Variants in WDR48 observed in about 807,000 individuals in gnomAD.
The protein encoded by WDR48 is WD repeat-containing protein 48.
WDR48 carries 22 observed loss-of-function variants against 94.0 expected under a neutral mutation model. That is an observed-to-expected ratio of 0.23 (90% confidence interval 0.17 to 0.33). The LOEUF (loss-of-function observed/expected upper bound fraction) is 0.33, where lower values mean the gene tolerates loss of function less well. Among genes scored for constraint, WDR48 ranks in the 10% least tolerant of loss-of-function variants. The pLI is 1.00. For synonymous variants in WDR48, 278 were observed against 280.5 expected (o/e 0.99, Z 0.09); for missense variants, 541 against 813.8 (o/e 0.66, Z 4.08).
intron 1 of WDR48, among the ~76,000 whole-genome samples, chr3:39,055,329 A>G (rs1337324338): frequency 6.6e-6 from 1 of 152,216 alleles, no homozygotes; most frequent in Non-Finnish European, 1.5e-5. Context: ...TCTACTAAAA[A>G]TATAAAAATT....
chr3:39,078,492 C>T (rs1575420364), intron 10 of WDR48, among the ~76,000 whole-genome samples: 2 of 151,862 alleles, frequency 1.3e-5, no homozygotes, highest in East Asian at 1.9e-4. Context: ...GATCTTGGCT[C>T]ACTGCAACCC....
At chr3:39,077,314 G>A in intron 9 of WDR48, 101 bp downstream of exon 9, 1 of 1,322,098 alleles carries the variant, frequency 7.6e-7, no homozygotes, top group East Asian at 2.4e-5. Flanking sequence ...CCTAACTCTA[G>A]CATGCTTTTG....
intron 8 of WDR48, 71 bp downstream of exon 8, chr3:39,075,021 C>G: frequency 6.8e-7 from 1 of 1,469,114 alleles, no homozygotes; most frequent in Non-Finnish European, 9.3e-7. Flanking sequence ...AGAGCAAAAG[C>G]TATATTAAAA....
chr3:39,094,399 A>G (rs2035235865), intron 18 of WDR48: 1 of 1,494,770 alleles, frequency 6.7e-7, no homozygotes, highest in East Asian at 2.5e-5. Flanking sequence ...ATCAAGATGC[A>G]CTCAAAACGT....
At position 39,074,903 on chromosome 3, in the gene WDR48, C is replaced by T; in HGVS notation, c.850C>T (p.Pro284Ser). Reference protein sequence around the residue: ...RKIYCTDLRNPDIRVLICEEK... With the variant: ...RKIYCTDLRNSDIRVLICEEK... ...GATTTATTGTACAGACCTAAGAAAC[C>T]CTGACATTCGGGTGCTAATTTGTGA... The change falls in exon 8 of 19, where the codon CCT becomes TCT. Residue 284 changes from proline to serine, a missense_variant. Transcript: ENST00000302313. The T allele has an allele frequency of 6.2e-7, 1 of 1,614,192 alleles. No individual in the cohort carries two copies. Among genetic ancestry groups the T allele is most frequent in the Non-Finnish European group, 8.5e-7 (1 of 1,180,044 alleles).
chr3:39,059,030 G>A (rs1293627626), intron 1 of WDR48, among the ~76,000 whole-genome samples: 1 of 139,578 alleles, frequency 7.2e-6, no homozygotes. Context: ...AGCCAAGATC[G>A]CACCACTGCA....
In WDR48 at chr3:39,084,258, CAG is replaced by C. The variant is rs764646025; in HGVS notation, c.1278_1279del (p.Gly427AspfsTer8). ...AATTGGTTCTCAGTAGACTTAAAAA[CAG>C]GGGTAAGTTAGCAATTGATACTTGT... is the stretch of plus-strand genomic sequence containing the variant. On this transcript the variant is annotated frameshift_variant and splice_region_variant, in exon 12 of 19. Transcript: ENST00000302313. LOFTEE classifies it high-confidence loss of function. 31 of 1,600,800 alleles carry C rather than the reference CAG, an allele frequency of 1.9e-5. No homozygotes were observed. Among genetic ancestry groups the C allele is most frequent in the Admixed American group, 6.7e-5 (4 of 59,682 alleles).
At chr3:39,072,990 C>G (rs2034021138) in intron 7 of WDR48, among the ~76,000 whole-genome samples, 1 of 152,146 alleles carries the variant, frequency 6.6e-6, no homozygotes, top group South Asian at 2.1e-4. Flanking sequence ...ACTGTGCACC[C>G]TTAGTTTGGG....
chr3:39,062,621 C>T (rs1009284964), intron 1 of WDR48, among the ~76,000 whole-genome samples: 3 of 152,132 alleles, frequency 2.0e-5, no homozygotes, highest in African/African-American at 7.2e-5. Flanking sequence ...GCACAATGCA[C>T]CAGAACCTGG....
chr3:39,078,995 AC>A (rs1441653251), intron 10 of WDR48, among the ~76,000 whole-genome samples: 1 of 147,880 alleles, frequency 6.8e-6, no homozygotes, highest in East Asian at 2.0e-4. Flanking sequence ...CCGCCACTGC[AC>A]TCCAGCCTGG....
rs1329460329 is a variant in WDR48, at chr3:39,069,639, A to C, written c.571-4A>C. The C allele has an allele frequency of 1.9e-6, 3 of 1,607,902 alleles. No individual in the cohort carries two copies. In the South Asian group the frequency reaches 3.3e-5, roughly 18 times the overall value. ...TTTGTGTAATACTCTATTAAAATTCACAGGTGTTACGGGTATGGGATCCAA... is the reference window on the plus strand; with the variant it reads ...TTTGTGTAATACTCTATTAAAATTCCCAGGTGTTACGGGTATGGGATCCAA... On this transcript the variant is annotated splice_region_variant and splice_polypyrimidine_tract_variant and intron_variant, in intron 6 of 18. Transcript: ENST00000302313.
At chr3:39,081,453 C>T (rs978425711) in intron 11 of WDR48, among the ~76,000 whole-genome samples, 3 of 152,134 alleles carry the variant, frequency 2.0e-5, no homozygotes, top group Admixed American at 6.5e-5. Flanking sequence ...AGTTTAGTTG[C>T]GGCAAGCTTC....
chr3:39,080,117 G>A (rs1279677789), intron 11 of WDR48, among the ~76,000 whole-genome samples: 2 of 151,982 alleles, frequency 1.3e-5, no homozygotes, highest in African/African-American at 4.8e-5. Context: ...GGAGGTGGAG[G>A]AGGGGGCAGG....
intron 7 of WDR48, 56 bp from the exon 8 acceptor site, chr3:39,074,670 C>G (rs2034119809): frequency 1.3e-6 from 2 of 1,579,272 alleles, no homozygotes; most frequent in Admixed American, 3.4e-5. Context: ...AAGTGCAAAG[C>G]ACAAGAAAGC....
chr3:39,077,789 C>G (rs2034304467), intron 9 of WDR48, among the ~76,000 whole-genome samples: 1 of 152,128 alleles, frequency 6.6e-6, no homozygotes, highest in Admixed American at 6.5e-5. Flanking sequence ...TGCATTTATT[C>G]CTGTTGACAT....
rs375299969 is a variant in WDR48 at position 39,052,093 on chromosome 3, C to T, written c.48+20C>T. The T allele has an allele frequency of 1.1e-4, 174 of 1,613,008 alleles. No individual in the cohort carries two copies. The African/African-American group carries it at 2.2e-3, about 21-fold the overall frequency. On this transcript the variant is annotated intron_variant, in intron 1 of 18. Transcript: ENST00000302313. ...GTGCAGGTATGGAAGCCCGGTTCCT[C>T]GGTCTTCCGGACGCGGCCGGCAGCT... is the stretch of plus-strand genomic sequence containing the variant.
chr3:39,093,520 C>T lies in WDR48; in HGVS notation c.1746-354C>T, dbSNP rs372135618. On this transcript the variant is annotated intron_variant, in intron 17 of 18. Transcript: ENST00000302313. ...CTAATTTTTTGTATTTTAGTAGAGA[C>T]GGGATTTCACCATGTTGGTTAGCCA... is the stretch of plus-strand genomic sequence containing the variant. Among the ~76,000 whole-genome samples, 113 of 152,152 alleles carry T rather than the reference C, an allele frequency of 7.4e-4. 1 individual carries two copies. Among genetic ancestry groups the T allele is most frequent in the African/African-American group, 2.6e-3 (109 of 41,514 alleles).
chr3:39,096,082 G>A lies in WDR48; in HGVS notation c.*1339G>A, dbSNP rs1229280701. 1.3e-5 allele frequency: 2 copies of A among 152,620 alleles called. No individual in the cohort carries two copies. Among genetic ancestry groups the A allele is most frequent in the African/African-American group, 4.8e-5 (2 of 41,430 alleles). 9.5% of individuals were successfully genotyped at this position (152,620 alleles called of 1,614,324 possible). On this transcript the variant is annotated 3_prime_UTR_variant, in exon 19 of 19. Coordinates refer to ENST00000302313, the MANE Select transcript of WDR48 (RefSeq NM_020839.4). The stretch of plus-strand genomic sequence containing the variant: ...TTTTTTCTTTTCTACATCTTCACAG[G>A]TTCGGCTGGGGGCAGCTGATAGGCC...
In WDR48 at chr3:39,079,718, T is replaced by C; in HGVS notation, c.1083T>C (p.Ala361=). Residue 361 remains alanine (A), a synonymous_variant, in exon 11 of 19, where the codon GCT becomes GCC. Coordinates refer to ENST00000302313, the MANE Select transcript of WDR48 (RefSeq NM_020839.4). ...GTTTTTTTTTCCCATTAGGGGGTGCTAGTATTATTCAGTGCCACATTCTTA... is the reference window on the plus strand; with the variant it reads ...GTTTTTTTTTCCCATTAGGGGGTGCCAGTATTATTCAGTGCCACATTCTTA... ...TQPDQVIKGG[A]SIIQCHILND... The C allele has an allele frequency of 6.5e-7, 1 of 1,543,800 alleles. No individual in the cohort carries two copies. The highest frequency in any genetic ancestry group is 8.7e-7 in the Non-Finnish European group (1 of 1,153,882).
Sources: allele counts gnomAD v4.1 joint callset (sites outside exome capture counted in the v4.1 genomes callset), GRCh38; gene constraint gnomAD v4.1.1; transcripts MANE v1.5; gene names NCBI Gene and HGNC (gene_info 2026-07-23, HGNC 2026-07-21).